ARHGAP32: variants seen among roughly 807,000 people sequenced by gnomAD.
ARHGAP32 encodes the protein Rho GTPase activating protein 32.
ARHGAP32 carries 51 observed loss-of-function variants against 186.5 expected under a neutral mutation model. That is an observed-to-expected ratio of 0.27 (90% CI 0.22 to 0.35). The LOEUF (loss-of-function observed/expected upper bound fraction) is 0.35. Among genes scored for constraint, ARHGAP32 ranks in the 10% least tolerant of loss-of-function variants. The probability of loss-of-function intolerance (pLI) is 1.00; values close to 1 mark genes in which losing one functional copy is unlikely to be tolerated. For missense variants in ARHGAP32, 2,186 were observed against 2,623.5 expected (o/e 0.83, Z 3.64); for synonymous variants, 950 against 964.3 (o/e 0.99, Z 0.27).
chr11:129,266,254 T>A (rs1470447575), intron 1 of ARHGAP32, among the ~76,000 whole-genome samples: 2 of 152,170 alleles, frequency 1.3e-5, no homozygotes. Flanking sequence ...TGACTTAACC[T>A]GGATCTATTT....
At chr11:129,022,076 C>T (rs1451822083) in intron 11 of ARHGAP32, among the ~76,000 whole-genome samples, 1 of 152,006 alleles carries the variant, frequency 6.6e-6, no homozygotes, top group Non-Finnish European at 1.5e-5. Flanking sequence ...AAAGCTAGTA[C>T]TATCTCAGGA....
chr11:129,246,534 A>G (rs1945099220), intron 1 of ARHGAP32, among the ~76,000 whole-genome samples: 1 of 152,204 alleles, frequency 6.6e-6, no homozygotes, highest in Non-Finnish European at 1.5e-5. Flanking sequence ...GAAATCCAAT[A>G]AAATGAACCA....
chr11:128,983,191 A>G (rs994881971), intron 15 of ARHGAP32, among the ~76,000 whole-genome samples: 7 of 152,194 alleles, frequency 4.6e-5, no homozygotes, highest in Admixed American at 2.0e-4. Context: ...TCCACAGACT[A>G]GCAGTGGCAG....
Position 128,981,907 on chromosome 11 carries a change from G to C in ARHGAP32, c.1556C>G (p.Ser519Cys). The C allele has an allele frequency of 1.2e-6, 2 of 1,611,364 alleles. No homozygotes were observed. Among genetic ancestry groups the C allele is most frequent in the South Asian group, 1.1e-5 (1 of 90,248 alleles). The change falls in exon 16 of 23, where the codon TCT becomes TGT. Residue 519 changes from serine (S) to cysteine (C), a missense_variant. Ser to Cys is a moderately radical substitution (Grantham distance 112). Coordinates refer to ENST00000682385, the MANE Select transcript of ARHGAP32 (RefSeq NM_001378024.1). ...GATGGAACAATAGTCAGCTAGAAGA[G>C]ACAAGTGTCTCATCAGGAACTCCAG... Reference protein sequence around the residue: ...RTLEFLMRHLSLLADYCSITN... With the variant: ...RTLEFLMRHLCLLADYCSITN...
chr11:129,206,705 T>C (rs1944518654), intron 1 of ARHGAP32, among the ~76,000 whole-genome samples: 1 of 152,088 alleles, frequency 6.6e-6, no homozygotes, highest in Admixed American at 6.6e-5. Context: ...GTCTCAGTAG[T>C]GTTGTTCTAT....
intron 10 of ARHGAP32, among the ~76,000 whole-genome samples, chr11:129,053,683 T>C (rs939542640): frequency 3.9e-5 from 6 of 152,164 alleles, no homozygotes; most frequent in Non-Finnish European, 4.4e-5. Context: ...CATGGAGTTG[T>C]GGAATTAAAA....
chr11:129,199,959 G>A, intron 1 of ARHGAP32, among the ~76,000 whole-genome samples: 1 of 152,224 alleles, frequency 6.6e-6, no homozygotes. Context: ...TGACCTGGGT[G>A]TGAGACATGG....
intron 5 of ARHGAP32, among the ~76,000 whole-genome samples, chr11:129,096,288 CAA>C (rs1006947639): frequency 6.6e-6 from 1 of 152,082 alleles, no homozygotes; most frequent in Admixed American, 6.5e-5. Flanking sequence ...AACAGGCAAA[CAA>C]CACGCAAAAG....
intron 2 of ARHGAP32, among the ~76,000 whole-genome samples, chr11:129,131,248 A>G (rs2135403646): frequency 6.6e-6 from 1 of 152,276 alleles, no homozygotes; most frequent in Non-Finnish European, 1.5e-5. Flanking sequence ...AAGACATCAA[A>G]TGGACAAACA....
At chr11:129,278,648 G>C (rs1380132516) in intron 1 of ARHGAP32, among the ~76,000 whole-genome samples, 1 of 152,228 alleles carries the variant, frequency 6.6e-6, no homozygotes, top group East Asian at 1.9e-4. Context: ...GGAAAGACGA[G>C]GGGGGAACTC....
intron 1 of ARHGAP32, among the ~76,000 whole-genome samples, chr11:129,267,688 G>A (rs56202285): frequency 2.0e-3 from 304 of 152,266 alleles, no homozygotes; most frequent in Middle Eastern, 0.01. Context: ...TATGAACCTC[G>A]TCTTAGTCCG....
At chr11:129,177,241 A>G (rs909058024) in intron 1 of ARHGAP32, among the ~76,000 whole-genome samples, 14 of 152,208 alleles carry the variant, frequency 9.2e-5, no homozygotes, top group Non-Finnish European at 1.6e-4. Context: ...AACCAGGAAG[A>G]AGTTGAATCT....
chr11:129,240,492 T>C (rs2135665152), intron 1 of ARHGAP32, among the ~76,000 whole-genome samples: 1 of 152,302 alleles, frequency 6.6e-6, no homozygotes, highest in Non-Finnish European at 1.5e-5. Context: ...TCCCTAGGTC[T>C]TCAATAAATT....
At chr11:129,042,985 G>A (rs1452338253) in intron 10 of ARHGAP32, among the ~76,000 whole-genome samples, 1 of 152,204 alleles carries the variant, frequency 6.6e-6, no homozygotes, top group Non-Finnish European at 1.5e-5. Flanking sequence ...ATTCCACAAA[G>A]TGGTGTGTTT....
intron 6 of ARHGAP32, among the ~76,000 whole-genome samples, chr11:129,092,187 A>C (rs539520739): frequency 1.3e-5 from 2 of 152,042 alleles, no homozygotes; most frequent in Non-Finnish European, 2.9e-5. Flanking sequence ...TGGTACCAAA[A>C]TACCATGCTT....
At chr11:129,109,153 T>C (rs2135331843) in intron 5 of ARHGAP32, among the ~76,000 whole-genome samples, 1 of 152,268 alleles carries the variant, frequency 6.6e-6, no homozygotes, top group Admixed American at 6.5e-5. Context: ...ATATGCAATA[T>C]TTGTCTTTCT....
intron 5 of ARHGAP32, among the ~76,000 whole-genome samples, chr11:129,102,843 T>TTAC (rs1246750534): frequency 2.0e-5 from 3 of 152,102 alleles, no homozygotes; most frequent in African/African-American, 4.8e-5. Context: ...CCTAGAAGAA[T>TTAC]TACTATATGA....
chr11:128,989,516 T>TCACACACACACACAAACA, intron 12 of ARHGAP32, among the ~76,000 whole-genome samples: 1 of 139,036 alleles, frequency 7.2e-6, no homozygotes, highest in East Asian at 2.1e-4. Context: ...GTTTTTTATT[T>TCACACACACACACAAACA]CACACACACA....
chr11:129,023,751 A>G (rs903696508), intron 11 of ARHGAP32: 1 of 267,916 alleles, frequency 3.7e-6, no homozygotes, highest in Non-Finnish European at 5.7e-6. Context: ...TACCTAAGAG[A>G]GCAACCAAGG....
Sources: gnomAD v4.1 joint callset for allele counts (sites outside exome capture counted in the v4.1 genomes callset) on GRCh38, gnomAD v4.1.1 for gene constraint, MANE v1.5 for transcripts, NCBI Gene and HGNC (gene_info 2026-07-23, HGNC 2026-07-21) for gene names.